Variants in MARCHF1 observed in about 807,000 individuals in gnomAD.
MARCHF1 encodes membrane associated ring-CH-type finger 1.
MARCHF1 carries 40 observed loss-of-function variants against 54.2 expected under a neutral mutation model. The observed-to-expected ratio is 0.74, with a 90% CI of 0.57 to 0.96. MARCHF1 has a LOEUF of 0.96. Among genes scored for constraint, MARCHF1 ranks in the 40% least tolerant of loss-of-function variants. The probability of loss-of-function intolerance (pLI) is 0.00; values close to 1 mark genes in which losing one functional copy is unlikely to be tolerated. For synonymous variants in MARCHF1, 236 were observed against 236.3 expected (o/e 1.00, Z 0.01); for missense variants, 586 against 656.5 (o/e 0.89, Z 1.17).
intron 1 of MARCHF1, among the ~76,000 whole-genome samples, chr4:164,153,502 G>A (rs1275157184): frequency 2.0e-5 from 3 of 151,898 alleles, no homozygotes; most frequent in Admixed American, 6.6e-5. Context: ...ACCTGTATAA[G>A]AATATAATAA....
chr4:163,937,913 C>A (rs948821960), intron 3 of MARCHF1, among the ~76,000 whole-genome samples: 11 of 152,116 alleles, frequency 7.2e-5, no homozygotes, highest in Admixed American at 7.2e-4. Flanking sequence ...GTGACTCCAT[C>A]CTCCACCCCT....
intron 2 of MARCHF1, among the ~76,000 whole-genome samples, chr4:164,013,270 G>C (rs1025505402): frequency 6.6e-6 from 1 of 152,092 alleles, no homozygotes; most frequent in Admixed American, 6.6e-5. Context: ...AAATGCATCA[G>C]AGTTGCTCAA....
At chr4:164,081,034 C>A (rs1170675305) in intron 2 of MARCHF1, among the ~76,000 whole-genome samples, 1 of 148,360 alleles carries the variant, frequency 6.7e-6, no homozygotes, top group South Asian at 2.1e-4. Context: ...CAGTGAAACC[C>A]CGTGTCTACT....
chr4:163,931,717 C>T (rs1751680945), intron 3 of MARCHF1, among the ~76,000 whole-genome samples: 1 of 152,098 alleles, frequency 6.6e-6, no homozygotes, highest in Non-Finnish European at 1.5e-5. Flanking sequence ...TGGGGTTTAT[C>T]CAATCAGTTG....
At chr4:163,871,467 C>T in intron 3 of MARCHF1, among the ~76,000 whole-genome samples, 1 of 152,280 alleles carries the variant, frequency 6.6e-6, no homozygotes, top group Non-Finnish European at 1.5e-5. Flanking sequence ...AGTACCCCCC[C>T]ACTAAGGGTG....
chr4:163,833,567 A>G (rs1579324208), intron 4 of MARCHF1, among the ~76,000 whole-genome samples: 1 of 152,330 alleles, frequency 6.6e-6, no homozygotes, highest in East Asian at 1.9e-4. Flanking sequence ...GGATATGAAC[A>G]GACACTTCTC....
At chr4:164,099,715 TAAA>T (rs979438471) in intron 2 of MARCHF1, among the ~76,000 whole-genome samples, 1 of 152,086 alleles carries the variant, frequency 6.6e-6, no homozygotes, top group Non-Finnish European at 1.5e-5. Flanking sequence ...TTGTCATGCT[TAAA>T]AAAACCTTTT....
intron 4 of MARCHF1, among the ~76,000 whole-genome samples, chr4:163,793,387 A>C (rs1308488815): frequency 6.6e-6 from 1 of 152,190 alleles, no homozygotes; most frequent in African/African-American, 2.4e-5. Context: ...TTCAGTTGGG[A>C]AACAAAGATA....
At chr4:164,123,247 C>T (rs1384762915) in intron 1 of MARCHF1, among the ~76,000 whole-genome samples, 1 of 151,852 alleles carries the variant, frequency 6.6e-6, no homozygotes, top group Non-Finnish European at 1.5e-5. Flanking sequence ...TAGGAATTAA[C>T]CAAATAAGTA....
At position 163,955,270 on chromosome 4, in the gene MARCHF1, G is replaced by A. The variant is rs145442509; in HGVS notation, c.-39+33231C>T. 3.0e-4 allele frequency among the ~76,000 whole-genome samples: 45 copies of A among 148,472 alleles called. 1 individual carries two copies. The highest frequency in any genetic ancestry group is 9.2e-4 in the African/African-American group (37 of 40,210). On this transcript the variant is annotated intron_variant, in intron 3 of 9. Coordinates refer to ENST00000514618, the MANE Select transcript of MARCHF1 (RefSeq NM_001394959.1). ...GTTCTGGATAAAAGTCTAACAGTCC[G>A]GAGTAACTCTCCAGAATGATTTAAT...
chr4:163,884,716 C>T (rs192027702), intron 3 of MARCHF1, among the ~76,000 whole-genome samples: 49 of 152,196 alleles, frequency 3.2e-4, no homozygotes, highest in Non-Finnish European at 6.0e-4. Context: ...TCCATATTGT[C>T]CTTCAACTTG....
At chr4:164,324,024 A>G (rs528086405) in intron 1 of MARCHF1, among the ~76,000 whole-genome samples, 1 of 151,998 alleles carries the variant, frequency 6.6e-6, no homozygotes, top group South Asian at 2.1e-4. Context: ...TAAAGATCAA[A>G]CAAAAATAAA....
At chr4:164,250,442 G>A (rs530277640) in intron 1 of MARCHF1, among the ~76,000 whole-genome samples, 1 of 152,006 alleles carries the variant, frequency 6.6e-6, no homozygotes, top group South Asian at 2.1e-4. Context: ...AAATTGCATG[G>A]TATAGGCCAA....
intron 2 of MARCHF1, among the ~76,000 whole-genome samples, chr4:164,078,688 A>C (rs974070763): frequency 6.6e-6 from 1 of 152,236 alleles, no homozygotes; most frequent in African/African-American, 2.4e-5. Flanking sequence ...CTGAAGTTAA[A>C]ATTTCAAGAA....
intron 1 of MARCHF1, among the ~76,000 whole-genome samples, chr4:164,185,348 A>G (rs1169674226): frequency 6.6e-6 from 1 of 152,212 alleles, no homozygotes; most frequent in African/African-American, 2.4e-5. Flanking sequence ...TCTTTTATTT[A>G]AAAGACAAAA....
intron 5 of MARCHF1, 150 bp from the exon 6 acceptor site, chr4:163,613,543 AG>A: frequency 6.4e-7 from 1 of 1,553,680 alleles, no homozygotes; most frequent in Non-Finnish European, 8.7e-7. Flanking sequence ...AGGAAGTTTG[AG>A]GTTGGTTTTG....
chr4:164,026,653 AC>A (rs1753774033), intron 2 of MARCHF1, among the ~76,000 whole-genome samples: 1 of 152,198 alleles, frequency 6.6e-6, no homozygotes, highest in African/African-American at 2.4e-5. Context: ...AAAAGCTGGA[AC>A]CATTCTCCTT....
At chr4:164,256,105 A>G (rs1484170795) in intron 1 of MARCHF1, among the ~76,000 whole-genome samples, 1 of 152,158 alleles carries the variant, frequency 6.6e-6, no homozygotes, top group Non-Finnish European at 1.5e-5. Flanking sequence ...AGCCTGGTCA[A>G]CATAGTGGTA....
intron 2 of MARCHF1, among the ~76,000 whole-genome samples, chr4:164,016,885 T>C (rs1753554518): frequency 6.6e-6 from 1 of 152,174 alleles, no homozygotes. Flanking sequence ...TCATTATACA[T>C]AGTATGCTTA....
Sources: allele counts gnomAD v4.1 joint callset (sites outside exome capture counted in the v4.1 genomes callset), GRCh38; gene constraint gnomAD v4.1.1; transcripts MANE v1.5; gene names NCBI Gene and HGNC (gene_info 2026-07-23, HGNC 2026-07-21).